The following REEP1 variants were observed in gnomAD, a reference collection of about 807,000 sequenced individuals.
REEP1 encodes receptor expression-enhancing protein 1.
Under a neutral mutation model 40.3 loss-of-function variants are expected in REEP1, and 22 were observed. The observed-to-expected ratio is 0.55, with a 90% CI of 0.39 to 0.78. The LOEUF (loss-of-function observed/expected upper bound fraction) is 0.78. Ranked by LOEUF, REEP1 falls within the 30% of genes least tolerant of loss-of-function variation. The probability of loss-of-function intolerance (pLI) is 0.00; values close to 1 mark genes in which losing one functional copy is unlikely to be tolerated. For synonymous variants in REEP1, 116 were observed against 139.2 expected, an observed-to-expected ratio of 0.83 and a Z score of 1.17; for missense variants, 280 against 361.1, an observed-to-expected ratio of 0.78 and a Z score of 1.82.
intron 4 of REEP1, among the ~76,000 whole-genome samples, chr2:86,253,619 G>A (rs935888649): frequency 2.0e-5 from 3 of 152,186 alleles, no homozygotes; most frequent in East Asian, 3.8e-4. Flanking sequence ...GAAGTAAGAC[G>A]AGTAGGGATT....
chr2:86,299,799 G>A (rs1679176690), intron 1 of REEP1, among the ~76,000 whole-genome samples: 1 of 152,088 alleles, frequency 6.6e-6, no homozygotes, highest in African/African-American at 2.4e-5. Flanking sequence ...CATCTATGTT[G>A]ATTGTAGAAA....
At chr2:86,233,349 T>C (rs1286768782) in intron 5 of REEP1, among the ~76,000 whole-genome samples, 2 of 152,234 alleles carry the variant, frequency 1.3e-5, no homozygotes, top group African/African-American at 4.8e-5. Context: ...AGCATATTAC[T>C]GTCTACGAGG....
chr2:86,226,110 A>ACCACCACCACCC (rs1674678557), intron 7 of REEP1, among the ~76,000 whole-genome samples: 1 of 122,684 alleles, frequency 8.2e-6, no homozygotes, highest in Non-Finnish European at 1.8e-5. Flanking sequence ...CACCACCACC[A>ACCACCACCACCC]CCACCATCAT....
intron 1 of REEP1, among the ~76,000 whole-genome samples, chr2:86,309,347 C>T (rs1679651987): frequency 6.6e-6 from 1 of 152,246 alleles, no homozygotes; most frequent in South Asian, 2.1e-4. Flanking sequence ...CTGGTCAAGG[C>T]TATCTTGGCT....
At chr2:86,321,312 A>G (rs1023666049) in intron 1 of REEP1, among the ~76,000 whole-genome samples, 18 of 152,246 alleles carry the variant, frequency 1.2e-4, no homozygotes, top group Non-Finnish European at 2.1e-4. Context: ...TAACTATTAA[A>G]TACATTGAAT....
chr2:86,333,609 C>A (rs527344000), intron 1 of REEP1, among the ~76,000 whole-genome samples: 3 of 152,328 alleles, frequency 2.0e-5, no homozygotes, highest in Admixed American at 2.0e-4. Context: ...TTGGCCAAGA[C>A]AATGAGGCAA....
chr2:86,337,928 G>T (rs966249863), upstream of REEP1: 163 of 1,227,444 alleles, frequency 1.3e-4, no homozygotes, highest in Non-Finnish European at 1.7e-4. This position sits in a 1 kb window ranked among gnomAD's most constrained non-coding sequence, Gnocchi z 5.8. Context: ...AGAAACTGAA[G>T]TCCGAACCTG....
At chr2:86,307,933 TG>T (rs1679577652) in intron 1 of REEP1, among the ~76,000 whole-genome samples, 1 of 152,236 alleles carries the variant, frequency 6.6e-6, no homozygotes, top group African/African-American at 2.4e-5. Flanking sequence ...GGTAGGATGA[TG>T]GAAAGAGTGA....
In REEP1 at chr2:86,216,829, T is replaced by A. The variant is rs957967328; in HGVS notation, c.*210A>T. 320 of 427,530 alleles carry A rather than the reference T, an allele frequency of 7.5e-4. No individual in the cohort carries two copies. Among genetic ancestry groups the A allele is most frequent in the East Asian group, 1.6e-3 (35 of 21,218 alleles). The allele number at this position is 427,530 out of a possible 1,614,324, so 26.5% of individuals were successfully genotyped here. A position where few individuals can be genotyped will look rare whatever the true frequency, so the allele number is the denominator to read the frequency against. On this transcript the variant is annotated 3_prime_UTR_variant, in exon 9 of 9. Transcript: ENST00000538924. ...TAAAGGTCACCACCCCCGCCCCTAC[T>A]ACCTTTCCCTTTAGCCTCTCCCCAG...
intron 1 of REEP1, among the ~76,000 whole-genome samples, chr2:86,327,196 T>C (rs938769574): frequency 6.6e-6 from 1 of 152,258 alleles, no homozygotes; most frequent in East Asian, 1.9e-4. Flanking sequence ...AGTGCTTCTT[T>C]TCCACATGGG....
intron 1 of REEP1, among the ~76,000 whole-genome samples, chr2:86,329,061 T>C (rs78948391): frequency 2.6e-5 from 4 of 152,094 alleles, no homozygotes; most frequent in African/African-American, 9.7e-5. Flanking sequence ...TATTGAGTGA[T>C]GGAGGTGGTT....
chr2:86,271,269 T>C (rs984573012), intron 2 of REEP1, among the ~76,000 whole-genome samples: 30 of 114,472 alleles, frequency 2.6e-4, no homozygotes, highest in Admixed American at 1.7e-3. Flanking sequence ...GCAAGATAAA[T>C]ACAAAGAAAA....
In REEP1 at chr2:86,275,827, C is replaced by T. The variant is rs370730248; in HGVS notation, c.105+6343G>A. ...TTCCATCCCTGAGTAAAACAAATCC[C>T]GGGCACATTTTCAAACACCAGCTAA... is the stretch of plus-strand genomic sequence containing the variant. On this transcript the variant is annotated intron_variant, in intron 2 of 8. Transcript: ENST00000538924. 5.9e-5 allele frequency among the ~76,000 whole-genome samples: 9 copies of T among 152,272 alleles called. No individual in the cohort carries two copies. The East Asian group carries it at 1.2e-3, about 20-fold the overall frequency.
chr2:86,332,580 C>T (rs571450935), intron 1 of REEP1, among the ~76,000 whole-genome samples: 5 of 152,088 alleles, frequency 3.3e-5, no homozygotes, highest in African/African-American at 9.7e-5. Flanking sequence ...CCTCCTCCCC[C>T]GACATAATAC....
intron 2 of REEP1, among the ~76,000 whole-genome samples, chr2:86,265,787 G>T (rs765832897): frequency 6.6e-6 from 1 of 152,096 alleles, no homozygotes; most frequent in Non-Finnish European, 1.5e-5. Flanking sequence ...GACTTGAAAA[G>T]GTGGGAAGGT....
Position 86,231,619 on chromosome 2 carries a change from G to A in REEP1, c.595+1006C>T, listed in dbSNP as rs1013184486. Among the ~76,000 whole-genome samples, 5 of 152,176 alleles carry A rather than the reference G, an allele frequency of 3.3e-5. No individual in the cohort carries two copies. In the East Asian group the frequency reaches 5.8e-4, roughly 18 times the overall value. ...CTCTGTTTATAGATTTAAGGGCCAC[G>A]CAGTCACCAGACAGACATTGTGGAC... On this transcript the variant is annotated intron_variant, in intron 6 of 8. Transcript: ENST00000538924.
chr2:86,332,536 C>T (rs1680823606), intron 1 of REEP1, among the ~76,000 whole-genome samples: 1 of 151,630 alleles, frequency 6.6e-6, no homozygotes, highest in Non-Finnish European at 1.5e-5. Context: ...CCAAAGAGGA[C>T]CTGAGTCCCC....
chr2:86,253,334 C>T (rs1676386519), intron 4 of REEP1, among the ~76,000 whole-genome samples: 1 of 151,800 alleles, frequency 6.6e-6, no homozygotes, highest in Admixed American at 6.6e-5. Context: ...TTTCAGAGTT[C>T]GGTAAGACAA....
intron 1 of REEP1, among the ~76,000 whole-genome samples, chr2:86,306,160 G>A (rs1023422157): frequency 7.9e-5 from 12 of 151,812 alleles, no homozygotes; most frequent in African/African-American, 2.9e-4. Context: ...CCAGATTCCG[G>A]GGCTTGACTT....
Sources: gnomAD v4.1 joint callset for allele counts (sites outside exome capture counted in the v4.1 genomes callset) on GRCh38, gnomAD v4.1.1 for gene constraint, Gnocchi (gnomAD v3.1) non-coding constraint, MANE v1.5 for transcripts, NCBI Gene and HGNC (gene_info 2026-07-23, HGNC 2026-07-21) for gene names.